Variants in NT5DC1 observed in about 807,000 individuals in gnomAD.
NT5DC1 encodes 5'-nucleotidase domain-containing protein 1.
A neutral mutation model predicts 59.4 loss-of-function variants in NT5DC1; 42 were observed. The ratio of observed to expected loss-of-function variants is 0.71; its 90% confidence interval spans 0.55 to 0.92. NT5DC1 has a LOEUF of 0.92. NT5DC1 is among the 40% of genes least tolerant of loss of function. The pLI is 0.00. For missense variants in NT5DC1, 501 were observed against 537.1 expected (o/e 0.93, Z 0.66); for synonymous variants, 172 against 188.1 (o/e 0.91, Z 0.70).
chr6:116,167,176 A>T (rs1164022967), intron 6 of NT5DC1, among the ~76,000 whole-genome samples: 1 of 151,178 alleles, frequency 6.6e-6, no homozygotes, highest in East Asian at 1.9e-4. Flanking sequence ...TGTACTTAAA[A>T]GGTGTTTGTA....
chr6:116,132,263 T>G (rs888233855), intron 6 of NT5DC1, among the ~76,000 whole-genome samples: 3 of 152,314 alleles, frequency 2.0e-5, no homozygotes, highest in Non-Finnish European at 4.4e-5. Flanking sequence ...TTTTTAATTT[T>G]TGTCCACCTT....
At position 116,121,577 on chromosome 6, in the gene NT5DC1, C is replaced by G. The variant is rs1582814284; in HGVS notation, c.529+3632C>G. On this transcript the variant is annotated intron_variant, in intron 6 of 11. Transcript: ENST00000319550. ...TTTCTGTCCATTCATACCAGGGACT[C>G]CTGGTGCACCCTTTTCTCCAGGAAA... is the stretch of plus-strand genomic sequence containing the variant. 6.2e-7 allele frequency: 1 copy of G among 1,614,120 alleles called. No homozygotes were observed.
intron 11 of NT5DC1, among the ~76,000 whole-genome samples, chr6:116,239,902 A>T (rs1231661763): frequency 6.6e-6 from 1 of 152,260 alleles, no homozygotes; most frequent in Non-Finnish European, 1.5e-5. Context: ...AGGAATGAGA[A>T]ATTTGGTAGA....
chr6:116,121,543 C>T, intron 6 of NT5DC1: 5 of 1,614,050 alleles, frequency 3.1e-6, no homozygotes, highest in African/African-American at 1.3e-5. Context: ...CACCATATCC[C>T]ATTTCCCCTT....
At chr6:116,106,126 G>T in intron 1 of NT5DC1, 118 bp from the exon 2 acceptor site, 1 of 713,902 alleles carries the variant, frequency 1.4e-6, no homozygotes, top group East Asian at 2.5e-5. Context: ...CACAATTACA[G>T]ATATTTCCTT....
At chr6:116,169,570 T>A (rs1325650354) in intron 6 of NT5DC1, among the ~76,000 whole-genome samples, 2 of 152,252 alleles carry the variant, frequency 1.3e-5, no homozygotes, top group African/African-American at 4.8e-5. Context: ...TGCATACTGA[T>A]CAACTATATG....
rs145200012 is a variant in NT5DC1, at chr6:116,235,455, A to T, written c.803-1511A>T. 2.0e-3 allele frequency among the ~76,000 whole-genome samples: 300 copies of T among 152,334 alleles called. 6 individuals carry two copies. In the East Asian group the frequency reaches 0.052, roughly 26 times the overall value. ...ATTTTTAAATGACTGCTGAAATGGC[A>T]GCTAGATAGGCATAAATATTTATTG... is the stretch of plus-strand genomic sequence containing the variant. On this transcript the variant is annotated intron_variant, in intron 8 of 11. Coordinates refer to ENST00000319550, the MANE Select transcript of NT5DC1 (RefSeq NM_152729.3).
chr6:116,162,378 A>G (rs992460846), intron 6 of NT5DC1, among the ~76,000 whole-genome samples: 7 of 152,104 alleles, frequency 4.6e-5, no homozygotes, highest in African/African-American at 1.7e-4. Context: ...AATGCTTTCA[A>G]TTTTTCCCTG....
Position 116,171,738 on chromosome 6 carries a change from TC to T in NT5DC1, c.530-49313del, listed in dbSNP as rs1348720740. Among the ~76,000 whole-genome samples the T allele has an allele frequency of 2.6e-5, 4 of 152,212 alleles. No individual in the cohort carries two copies. The East Asian group carries it at 7.7e-4, about 29-fold the overall frequency. On this transcript the variant is annotated intron_variant, in intron 6 of 11. Coordinates refer to ENST00000319550, the MANE Select transcript of NT5DC1 (RefSeq NM_152729.3). ...AGAATACTGAGTTTTTACGGTTTTC[TC>T]CCATGGTAAGAACAGTGGAGCTGTG... is the stretch of plus-strand genomic sequence containing the variant.
chr6:116,120,580 A>T (rs1407300671), intron 6 of NT5DC1: 3 of 1,598,984 alleles, frequency 1.9e-6, no homozygotes, highest in Non-Finnish European at 1.7e-6. Flanking sequence ...GTGGGCCTGG[A>T]GGCCCAGGGG....
chr6:116,164,539 A>G (rs761008544), intron 6 of NT5DC1, among the ~76,000 whole-genome samples: 3 of 152,060 alleles, frequency 2.0e-5, no homozygotes, highest in Non-Finnish European at 2.9e-5. Flanking sequence ...TTCTTACCCA[A>G]TTTGCTAATC....
intron 8 of NT5DC1, among the ~76,000 whole-genome samples, chr6:116,232,531 A>C (rs1782038016): frequency 6.6e-6 from 1 of 152,038 alleles, no homozygotes; most frequent in African/African-American, 2.4e-5. Context: ...TTCAGAAAAA[A>C]ATCTCATAAA....
chr6:116,126,039 A>T (rs1469037773), intron 6 of NT5DC1: 5 of 156,494 alleles, frequency 3.2e-5, no homozygotes, highest in Non-Finnish European at 7.0e-5. Context: ...GTCCACCAGT[A>T]AGCGTACGCT....
chr6:116,207,345 C>T (rs1161189420), intron 6 of NT5DC1, among the ~76,000 whole-genome samples: 1 of 138,140 alleles, frequency 7.2e-6, no homozygotes, highest in Non-Finnish European at 1.5e-5. Context: ...TTATGGTGGA[C>T]TTAATGTATT....
chr6:116,109,467 T>C (rs547418380), intron 3 of NT5DC1, among the ~76,000 whole-genome samples: 2 of 152,336 alleles, frequency 1.3e-5, no homozygotes, highest in South Asian at 4.1e-4. Flanking sequence ...TCAACCACAG[T>C]TAAAAGAATG....
At chr6:116,237,426 T>C in intron 9 of NT5DC1, 1 of 474,826 alleles carries the variant, frequency 2.1e-6, no homozygotes, top group Non-Finnish European at 4.2e-6. Flanking sequence ...TGGACATTGG[T>C]GCATTTCTAA....
intron 6 of NT5DC1, among the ~76,000 whole-genome samples, chr6:116,215,624 CCT>C (rs1781674255): frequency 6.6e-6 from 1 of 152,128 alleles, no homozygotes; most frequent in African/African-American, 2.4e-5. Context: ...CCTTCAAAAA[CCT>C]CTCTCCACAT....
chr6:116,182,235 G>GTA (rs1780897449), intron 6 of NT5DC1, among the ~76,000 whole-genome samples: 1 of 151,310 alleles, frequency 6.6e-6, no homozygotes, highest in East Asian at 1.9e-4. Context: ...GTGTGTGTGT[G>GTA]TGTGTGTGTG....
chr6:116,244,217 A>T lies in NT5DC1; in HGVS notation c.*193A>T. ...TATTATATTAAAATCTCAGTATCCT[A>T]AAACTTAGAACCTTATTGATATTTT... On this transcript the variant is annotated 3_prime_UTR_variant, in exon 12 of 12. Transcript: ENST00000319550. The T allele has an allele frequency of 2.4e-6, 1 of 411,186 alleles. No individual in the cohort carries two copies. Among genetic ancestry groups the T allele is most frequent in the South Asian group, 4.4e-5 (1 of 22,676 alleles). 25.5% of individuals were successfully genotyped at this position (411,186 alleles called of 1,614,324 possible). A position where few individuals can be genotyped will look rare whatever the true frequency, so the allele number is the denominator to read the frequency against.
Sources: gnomAD v4.1 joint callset for allele counts (sites outside exome capture counted in the v4.1 genomes callset) on GRCh38, gnomAD v4.1.1 for gene constraint, MANE v1.5 for transcripts, NCBI Gene and HGNC (gene_info 2026-07-23, HGNC 2026-07-21) for gene names.